The following MORN1 variants were observed in gnomAD, a reference collection of about 807,000 sequenced individuals.
MORN1 encodes MORN repeat-containing protein 1.
In MORN1, 67 loss-of-function variants were observed where a neutral mutation model predicts 61.9. That is an observed-to-expected ratio of 1.08 (90% CI 0.89 to 1.33). The LOEUF is 1.33. Ranked by LOEUF, MORN1 falls within the 40% of genes most tolerant of loss-of-function variation. The probability of loss-of-function intolerance (pLI) is 0.00; values close to 1 mark genes in which losing one functional copy is unlikely to be tolerated. For missense variants in MORN1, 752 were observed against 691.2 expected (o/e 1.09, Z -0.99); for synonymous variants, 301 against 292.0 (o/e 1.03, Z -0.31).
At chr1:2,345,370 G>C (rs1237650964) in intron 10 of MORN1, among the ~76,000 whole-genome samples, 1 of 152,258 alleles carries the variant, frequency 6.6e-6, no homozygotes, top group African/African-American at 2.4e-5. Context: ...TTGGCGGCCA[G>C]GCATGGGCCG....
At chr1:2,327,331 G>A (rs1302138427) in intron 12 of MORN1, among the ~76,000 whole-genome samples, 1 of 144,268 alleles carries the variant, frequency 6.9e-6, no homozygotes, top group Non-Finnish European at 1.5e-5. Flanking sequence ...GAAACACACA[G>A]AAACACACAG....
At chr1:2,386,267 T>C (rs1642495996) in intron 4 of MORN1, 1 of 221,528 alleles carries the variant, frequency 4.5e-6, no homozygotes, top group Non-Finnish European at 9.0e-6. Flanking sequence ...TTTGGGCCTG[T>C]CGTTTGTTTT....
At chr1:2,371,059 A>G (rs1642109084) in intron 8 of MORN1, 1 of 152,114 alleles carries the variant, frequency 6.6e-6, no homozygotes, top group South Asian at 2.1e-4. Context: ...AATACAAGAA[A>G]TTAGCTGGGC....
intron 6 of MORN1, 148 bp downstream of exon 6, chr1:2,384,830 A>C: frequency 3.1e-6 from 2 of 651,560 alleles, no homozygotes; most frequent in African/African-American, 1.8e-5. Flanking sequence ...GGGGAGAGAG[A>C]AACTTATCTT....
chr1:2,338,975 G>A (rs1641339097), intron 10 of MORN1, among the ~76,000 whole-genome samples: 1 of 152,160 alleles, frequency 6.6e-6, no homozygotes, highest in Non-Finnish European at 1.5e-5. Flanking sequence ...TCAGCAGGAA[G>A]AGGACAGAGG....
At chr1:2,352,982 T>C (rs1032420145) in intron 10 of MORN1, among the ~76,000 whole-genome samples, 4 of 152,184 alleles carry the variant, frequency 2.6e-5, no homozygotes, top group African/African-American at 4.8e-5. Flanking sequence ...CTGCGTCCCA[T>C]GGCCCCCAGC....
chr1:2,324,341 C>T (rs1052850606), intron 12 of MORN1, among the ~76,000 whole-genome samples, 198 bp from the exon 13 acceptor site: 4 of 152,194 alleles, frequency 2.6e-5, no homozygotes, highest in Non-Finnish European at 4.4e-5. Context: ...CTCTGCACCT[C>T]GGAACCGTGG....
intron 5 of MORN1, chr1:2,385,443 G>A (rs1285851746): frequency 5.1e-6 from 2 of 393,174 alleles, no homozygotes; most frequent in East Asian, 5.1e-5. Context: ...AGGCGGAGGC[G>A]GGAGGCTCTG....
chr1:2,367,399 C>T (rs1001217763), intron 8 of MORN1, among the ~76,000 whole-genome samples: 10 of 150,340 alleles, frequency 6.7e-5, no homozygotes, highest in African/African-American at 2.2e-4. Flanking sequence ...GTGGGAGGAT[C>T]GCTTGAGCCT....
chr1:2,388,388 G>A, intron 2 of MORN1, 51 bp from the exon 3 acceptor site: 1 of 1,419,052 alleles, frequency 7.0e-7, no homozygotes, highest in Non-Finnish European at 1.0e-6. Context: ...GGTTGACTGC[G>A]AATGACACTG....
chr1:2,358,457 C>G, intron 9 of MORN1, 135 bp downstream of exon 9: 1 of 1,199,236 alleles, frequency 8.3e-7, no homozygotes, highest in Non-Finnish European at 1.2e-6. Context: ...TTCCTTAGAA[C>G]AGACATCGAA....
In MORN1 at chr1:2,337,108, C is replaced by A. The variant is rs922819207; in HGVS notation, c.1037-258G>T. ...CCGCCCCCTTCTGAGTCCACCCCAG[C>A]GCCAGGGAGCCCAGCGCTTTGCAGT... is the stretch of plus-strand genomic sequence containing the variant. On this transcript the variant is annotated intron_variant, in intron 10 of 13. Coordinates refer to ENST00000378531, the MANE Select transcript of MORN1 (RefSeq NM_024848.3). The surrounding 1 kb of genome is among the most constrained non-coding windows in gnomAD (Gnocchi z 5.7). 6.6e-6 allele frequency among the ~76,000 whole-genome samples: 1 copy of A among 152,176 alleles called. No homozygotes were observed. The highest frequency in any genetic ancestry group is 2.1e-4 in the South Asian group (1 of 4,832).
chr1:2,336,198 C>T (rs138100792), intron 12 of MORN1, among the ~76,000 whole-genome samples: 2 of 152,336 alleles, frequency 1.3e-5, no homozygotes, highest in African/African-American at 4.8e-5. Flanking sequence ...CTGGTCCGCC[C>T]GGCGGGTCTG....
At chr1:2,341,483 G>C (rs1231691919) in intron 10 of MORN1, among the ~76,000 whole-genome samples, 1 of 152,152 alleles carries the variant, frequency 6.6e-6, no homozygotes, top group East Asian at 1.9e-4. Flanking sequence ...AGGAGGTCAG[G>C]AGATTGAGAT....
In MORN1 at chr1:2,369,671, T is replaced by C. The variant is rs1570010280; in HGVS notation, c.745+2810A>G. Among the ~76,000 whole-genome samples, 3 of 152,162 alleles carry C rather than the reference T, an allele frequency of 2.0e-5. No individual in the cohort carries two copies. The South Asian group carries it at 6.2e-4, about 32-fold the overall frequency. On this transcript the variant is annotated intron_variant, in intron 8 of 13. Coordinates refer to ENST00000378531, the MANE Select transcript of MORN1 (RefSeq NM_024848.3). ...AATGAAGTTAAGAAAATTCTACTCA[T>C]GATGGCATAAAAAGAATAAACAAAT...
chr1:2,384,380 T>C (rs1161109246), intron 6 of MORN1, among the ~76,000 whole-genome samples: 1 of 152,244 alleles, frequency 6.6e-6, no homozygotes, highest in Non-Finnish European at 1.5e-5. Context: ...TCCTAGTCCC[T>C]GCCTTGTAGG....
intron 13 of MORN1, chr1:2,323,435 G>T (rs773863384): frequency 1.0e-6 from 1 of 985,294 alleles, no homozygotes; most frequent in Non-Finnish European, 1.2e-6. Flanking sequence ...GTGACAGAGA[G>T]GCTCCATTCT....
At chr1:2,352,078 A>G (rs943212273) in intron 10 of MORN1, 48 of 516,290 alleles carry the variant, frequency 9.3e-5, no homozygotes, top group Non-Finnish European at 1.6e-4. Flanking sequence ...GATCCATCTC[A>G]GTCACTTTTT....
chr1:2,358,850 G>A (rs537584939), intron 8 of MORN1, 135 bp from the exon 9 acceptor site: 199 of 1,070,464 alleles, frequency 1.9e-4, no homozygotes, highest in South Asian at 3.5e-4. Context: ...TGACCCTGGT[G>A]GGCTGAGGAC....
Sources: allele counts gnomAD v4.1 joint callset (sites outside exome capture counted in the v4.1 genomes callset), GRCh38; gene constraint gnomAD v4.1.1; non-coding constraint Gnocchi (gnomAD v3.1); transcripts MANE v1.5; gene names NCBI Gene and HGNC (gene_info 2026-07-23, HGNC 2026-07-21).